Variants in DCAKD observed in about 807,000 individuals in gnomAD.
DCAKD encodes the protein dephospho-CoA kinase domain-containing protein.
A neutral mutation model predicts 18.7 loss-of-function variants in DCAKD; 15 were observed. The ratio of observed to expected loss-of-function variants is 0.80; its 90% CI spans 0.54 to 1.24. DCAKD has a LOEUF of 1.24. Ranked by LOEUF, DCAKD falls within the 50% of genes most tolerant of loss-of-function variation. The pLI is 0.00. For missense variants in DCAKD, 301 were observed against 322.0 expected, an observed-to-expected ratio of 0.93 and a Z score of 0.50; for synonymous variants, 130 against 133.0, an observed-to-expected ratio of 0.98 and a Z score of 0.16.
chr17:45,027,124 T>G (rs976253001), intron 4 of DCAKD, among the ~76,000 whole-genome samples: 1 of 152,092 alleles, frequency 6.6e-6, no homozygotes, highest in African/African-American at 2.4e-5. Flanking sequence ...GGAGGATCAT[T>G]GAGCCCAGGA....
At chr17:45,046,047 G>A (rs999256765) in intron 1 of DCAKD, among the ~76,000 whole-genome samples, 5 of 150,308 alleles carry the variant, frequency 3.3e-5, no homozygotes, top group Middle Eastern at 3.4e-3. Context: ...GGCTGGTTTC[G>A]AACTCCTGAC....
chr17:45,029,943 T>C, intron 4 of DCAKD, 149 bp downstream of exon 4: 1 of 702,844 alleles, frequency 1.4e-6, no homozygotes, highest in South Asian at 1.6e-5. Flanking sequence ...GGCACAAAGG[T>C]TGGTTTCTAC....
At position 45,034,783 on chromosome 17, in the gene DCAKD, C is replaced by T; in HGVS notation, c.103G>A (p.Ala35Thr). 1 of 1,614,130 alleles carries T rather than the reference C, an allele frequency of 6.2e-7. No individual in the cohort carries two copies. The highest frequency in any genetic ancestry group is 2.2e-5 in the East Asian group (1 of 44,880). The part of the protein sequence containing the change: ...GCAVIDVDVM[A>T]RHVVQPGYPA... ...TGCCCCTCCAACTCACCGTGCCGGG[C>T]CATCACGTCCACGTCAATCACCGCA... Residue 35 changes from alanine to threonine, a missense_variant, in exon 2 of 5, where the codon GCC becomes ACC. Physicochemically the swap from Ala to Thr is moderately conservative, Grantham distance 58. Coordinates refer to ENST00000651974, the MANE Select transcript of DCAKD (RefSeq NM_001288655.2).
intron 1 of DCAKD, among the ~76,000 whole-genome samples, chr17:45,037,291 C>T (rs72830981): frequency 0.16 from 23,561 of 151,810 alleles, 2,078 homozygotes; most frequent in Middle Eastern, 0.22. Context: ...TACAGCAAGG[C>T]TCTCTCTCTA....
intron 1 of DCAKD, among the ~76,000 whole-genome samples, chr17:45,043,384 C>T (rs1445660274): frequency 6.6e-6 from 1 of 152,166 alleles, no homozygotes; most frequent in Non-Finnish European, 1.5e-5. Flanking sequence ...CCACTGCAGT[C>T]TACTCCATTT....
At chr17:45,057,147 G>A (rs573352058) in intron 1 of DCAKD, among the ~76,000 whole-genome samples, 7 of 151,778 alleles carry the variant, frequency 4.6e-5, no homozygotes, top group African/African-American at 1.5e-4. Flanking sequence ...GGGTTCCAGC[G>A]ATCCTCCCAC....
chr17:45,044,975 T>A (rs1032455688), intron 1 of DCAKD, among the ~76,000 whole-genome samples: 4 of 151,860 alleles, frequency 2.6e-5, no homozygotes, highest in African/African-American at 9.7e-5. Context: ...GGGCATGGAG[T>A]TTATATGAAG....
chr17:45,037,968 C>G (rs947265036), intron 1 of DCAKD, among the ~76,000 whole-genome samples: 1 of 145,242 alleles, frequency 6.9e-6, no homozygotes, highest in Non-Finnish European at 1.5e-5. Flanking sequence ...GGGGTTTCAC[C>G]ATGTTGGTCA....
At chr17:45,045,152 G>T (rs777180404) in intron 1 of DCAKD, among the ~76,000 whole-genome samples, 11 of 152,022 alleles carry the variant, frequency 7.2e-5, no homozygotes, top group Non-Finnish European at 1.5e-5. Flanking sequence ...GAATGTTCAA[G>T]GACCCAGTTT....
chr17:45,025,009 C>T (rs865952002), intron 4 of DCAKD, among the ~76,000 whole-genome samples: 66 of 113,292 alleles, frequency 5.8e-4, no homozygotes, highest in African/African-American at 1.6e-3. Context: ...GGCCACAGCT[C>T]TTTTTTTTTT....
intron 3 of DCAKD, chr17:45,033,706 C>T (rs1033583942): frequency 9.2e-6 from 3 of 324,532 alleles, no homozygotes; most frequent in African/African-American, 6.7e-5. Context: ...CTCAAGTGAT[C>T]TGCCTGCCTC....
intron 1 of DCAKD, among the ~76,000 whole-genome samples, chr17:45,049,713 C>CTTTTTTTTTTT (rs57106886): frequency 3.6e-5 from 4 of 111,874 alleles, no homozygotes; most frequent in Non-Finnish European, 7.0e-5. Flanking sequence ...TTTTCTTTTC[C>CTTTTTTTTTTT]TTTTTTTTTT....
At chr17:45,034,013 G>T (rs979513607) in intron 3 of DCAKD, 174 bp downstream of exon 3, 1 of 1,595,364 alleles carries the variant, frequency 6.3e-7, no homozygotes, top group African/African-American at 1.3e-5. Flanking sequence ...GAGGGAACGT[G>T]CTTCTTTCCT....
At chr17:45,052,565 G>A (rs578254780), upstream of DCAKD, among the ~76,000 whole-genome samples, 1 of 151,962 alleles carries the variant, frequency 6.6e-6, no homozygotes, top group South Asian at 2.1e-4. Context: ...GCCGTGCAGC[G>A]TTGTTGAAAG....
chr17:45,050,623 C>T (rs1447759003), intron 1 of DCAKD, among the ~76,000 whole-genome samples: 1 of 152,122 alleles, frequency 6.6e-6, no homozygotes, highest in Non-Finnish European at 1.5e-5. Flanking sequence ...CAGGCCTATG[C>T]CAGCACTGTG....
At chr17:45,026,889 G>T in intron 4 of DCAKD, 1 of 937,692 alleles carries the variant, frequency 1.1e-6, no homozygotes, top group Non-Finnish European at 1.3e-6. Context: ...TCCTCCTGAA[G>T]GTGTGGCCCA....
intron 1 of DCAKD, among the ~76,000 whole-genome samples, chr17:45,057,981 A>C (rs1212665648): frequency 6.8e-6 from 1 of 147,750 alleles, no homozygotes; most frequent in Non-Finnish European, 1.5e-5. Flanking sequence ...ACTGCACTCC[A>C]ACTTGGGTGA....
upstream of DCAKD, among the ~76,000 whole-genome samples, chr17:45,052,439 T>G (rs1365177665): frequency 6.6e-6 from 1 of 152,132 alleles, no homozygotes; most frequent in East Asian, 1.9e-4. Context: ...TAGCGGTTAA[T>G]CCATTTGCCC....
chr17:45,059,204 C>CAA (rs768113891), intron 1 of DCAKD, among the ~76,000 whole-genome samples: 29 of 151,852 alleles, frequency 1.9e-4, no homozygotes, highest in Non-Finnish European at 4.0e-4. Context: ...CGCGCCACTG[C>CAA]AATCCAGCCT....
Sources: allele counts gnomAD v4.1 joint callset (sites outside exome capture counted in the v4.1 genomes callset), GRCh38; gene constraint gnomAD v4.1.1; transcripts MANE v1.5; gene names NCBI Gene and HGNC (gene_info 2026-07-23, HGNC 2026-07-21).